The following MEIKIN variants were observed in gnomAD, a reference collection of about 807,000 sequenced individuals.
MEIKIN encodes the protein meiosis-specific kinetochore protein.
chr5:131,822,984 G>A (rs1580859500), intron 11 of MEIKIN, among the ~76,000 whole-genome samples: 2 of 127,232 alleles, frequency 1.6e-5, no homozygotes, highest in African/African-American at 5.9e-5. Context: ...GGTAAAAGTT[G>A]TTTTCCTTCA....
intron 5 of MEIKIN, among the ~76,000 whole-genome samples, chr5:131,932,923 G>A (rs1008508584): frequency 1.3e-5 from 2 of 152,090 alleles, no homozygotes; most frequent in East Asian, 3.8e-4. Context: ...GCTTTCTTAG[G>A]TCTGCTGTAT....
At chr5:131,939,441 A>G (rs1371063776) in intron 4 of MEIKIN, among the ~76,000 whole-genome samples, 6 of 151,326 alleles carry the variant, frequency 4.0e-5, no homozygotes, top group Non-Finnish European at 8.8e-5. Context: ...CCAAACTTTC[A>G]TTAATTATCT....
chr5:131,906,251 G>A (rs574003322), intron 8 of MEIKIN, among the ~76,000 whole-genome samples: 1 of 152,070 alleles, frequency 6.6e-6, no homozygotes, highest in Admixed American at 6.6e-5. Flanking sequence ...ACACACGACC[G>A]ACAAACATGC....
At chr5:131,870,096 T>C (rs1007576012) in intron 9 of MEIKIN, among the ~76,000 whole-genome samples, 4 of 151,606 alleles carry the variant, frequency 2.6e-5, no homozygotes, top group African/African-American at 9.7e-5. Flanking sequence ...AACAATAAAC[T>C]CTTGAGATGA....
intron 9 of MEIKIN, among the ~76,000 whole-genome samples, chr5:131,868,717 C>CAAA (rs56823877): frequency 1.3e-5 from 1 of 74,972 alleles, no homozygotes. Flanking sequence ...TCTGTCTCTA[C>CAAA]AAAAAAAAAA....
At chr5:131,821,812 A>G (rs1276555747) in intron 11 of MEIKIN, among the ~76,000 whole-genome samples, 1 of 151,178 alleles carries the variant, frequency 6.6e-6, no homozygotes, top group East Asian at 1.9e-4. Flanking sequence ...TTTTGGAGAC[A>G]TGGGGTCTCA....
intron 8 of MEIKIN, among the ~76,000 whole-genome samples, chr5:131,903,256 A>G (rs1039785341): frequency 6.6e-6 from 1 of 152,206 alleles, no homozygotes; most frequent in Non-Finnish European, 1.5e-5. Flanking sequence ...AATTTCCCCA[A>G]GCTCACTAGA....
At chr5:131,813,881 G>A (rs913708265) in intron 12 of MEIKIN, among the ~76,000 whole-genome samples, 3 of 152,080 alleles carry the variant, frequency 2.0e-5, no homozygotes, top group Admixed American at 6.6e-5. Context: ...TAACTCACAT[G>A]ATCGCAGAGT....
At chr5:131,887,450 C>A (rs1182490150) in intron 8 of MEIKIN, among the ~76,000 whole-genome samples, 1 of 152,146 alleles carries the variant, frequency 6.6e-6, no homozygotes, top group Non-Finnish European at 1.5e-5. Flanking sequence ...AATTTACACT[C>A]CCACCAACAG....
chr5:131,923,696 A>T (rs1013352923), intron 5 of MEIKIN, among the ~76,000 whole-genome samples: 1 of 151,886 alleles, frequency 6.6e-6, no homozygotes, highest in Non-Finnish European at 1.5e-5. Flanking sequence ...TCTTATCTCA[A>T]TGAAGATTTT....
At chr5:131,875,443 T>A (rs1330087102) in intron 9 of MEIKIN, among the ~76,000 whole-genome samples, 3 of 151,936 alleles carry the variant, frequency 2.0e-5, no homozygotes, top group Non-Finnish European at 4.4e-5. Context: ...ACAAGGGACG[T>A]GAAGGACCTC....
intron 8 of MEIKIN, among the ~76,000 whole-genome samples, chr5:131,889,117 TGTA>T (rs1750859549): frequency 6.6e-6 from 1 of 152,160 alleles, no homozygotes; most frequent in Non-Finnish European, 1.5e-5. Context: ...ACTGTAGCCT[TGTA>T]GTATAGTTTG....
intron 9 of MEIKIN, among the ~76,000 whole-genome samples, chr5:131,859,966 T>C (rs1750254330): frequency 6.6e-6 from 1 of 152,224 alleles, no homozygotes; most frequent in Admixed American, 6.5e-5. Context: ...CCTTGTAATA[T>C]ATTTTGAAGT....
chr5:131,941,144 T>A, intron 4 of MEIKIN, among the ~76,000 whole-genome samples: 1 of 31,730 alleles, frequency 3.2e-5, no homozygotes, highest in South Asian at 1.0e-3. Flanking sequence ...ATCTCTTCCT[T>A]TTTTTTTTTT....
chr5:131,882,602 AT>A (rs999950475), intron 8 of MEIKIN, among the ~76,000 whole-genome samples: 4 of 152,258 alleles, frequency 2.6e-5, no homozygotes, highest in South Asian at 4.1e-4. Flanking sequence ...AAATAAAAAA[AT>A]ATATATCTGA....
At chr5:131,940,448 A>G (rs1462527810) in intron 4 of MEIKIN, among the ~76,000 whole-genome samples, 1 of 152,132 alleles carries the variant, frequency 6.6e-6, no homozygotes, top group East Asian at 1.9e-4. Flanking sequence ...GCAGCCTGCT[A>G]TATTATGGAT....
intron 10 of MEIKIN, among the ~76,000 whole-genome samples, chr5:131,853,548 C>A (rs1312627296): frequency 6.6e-6 from 1 of 152,122 alleles, no homozygotes; most frequent in South Asian, 2.1e-4. Flanking sequence ...CATCAAAGGA[C>A]ACTATCAACA....
intron 8 of MEIKIN, among the ~76,000 whole-genome samples, chr5:131,885,574 G>C (rs949382215): frequency 8.5e-5 from 13 of 152,166 alleles, no homozygotes; most frequent in Non-Finnish European, 1.5e-4. Flanking sequence ...ACTGGGCTTT[G>C]GGTGCCGCCT....
intron 12 of MEIKIN, among the ~76,000 whole-genome samples, chr5:131,814,900 G>T (rs4705838): frequency 0.78 from 118,623 of 151,994 alleles, 46,500 homozygotes; most frequent in Middle Eastern, 0.83. Context: ...CACTGCTGAG[G>T]GCCCAACCAG....
Sources: allele counts gnomAD v4.1 joint callset (sites outside exome capture counted in the v4.1 genomes callset), GRCh38; gene constraint gnomAD v4.1.1; transcripts MANE v1.5; gene names NCBI Gene and HGNC (gene_info 2026-07-23, HGNC 2026-07-21).